Variants in TBC1D22A observed in about 807,000 individuals in gnomAD.
TBC1D22A encodes the protein TBC1 domain family member 22A.
Under a neutral mutation model 60.2 loss-of-function variants are expected in TBC1D22A, and 38 were observed. The ratio of observed to expected loss-of-function variants is 0.63; its 90% CI spans 0.49 to 0.83. The LOEUF (loss-of-function observed/expected upper bound fraction) is 0.83. Among genes scored for constraint, TBC1D22A ranks in the 40% least tolerant of loss-of-function variants. The pLI, the probability that TBC1D22A is intolerant of heterozygous loss-of-function variation, is 0.00. For missense variants in TBC1D22A, 628 were observed against 701.0 expected (o/e 0.90, Z 1.18); for synonymous variants, 302 against 281.7 (o/e 1.07, Z -0.72).
At chr22:46,888,367 A>G (rs534668942) in intron 5 of TBC1D22A, among the ~76,000 whole-genome samples, 15 of 152,364 alleles carry the variant, frequency 9.8e-5, no homozygotes, top group African/African-American at 3.6e-4. Flanking sequence ...TTGGTGGCTA[A>G]CACAGTGATG....
At position 46,928,115 on chromosome 22, in the gene TBC1D22A, G is replaced by C. The variant is rs576994018; in HGVS notation, c.1015+15927G>C. 2.6e-5 allele frequency among the ~76,000 whole-genome samples: 3 copies of C among 115,592 alleles called. No individual in the cohort carries two copies. In the South Asian group the frequency reaches 1.0e-3, roughly 39 times the overall value. 75.8% of individuals were successfully genotyped at this position (115,592 alleles called of 152,430 possible). A position where few individuals can be genotyped will look rare whatever the true frequency, so the allele number is the denominator to read the frequency against. On this transcript the variant is annotated intron_variant, in intron 8 of 12. Transcript: ENST00000337137. ...GGAATTAAAAGAACCCGGAATAGCC[G>C]TAACAGTCTTGAAAAAAAAAAAAAA...
chr22:47,135,689 C>T (rs1000133536), intron 12 of TBC1D22A, among the ~76,000 whole-genome samples: 3 of 152,212 alleles, frequency 2.0e-5, no homozygotes, highest in African/African-American at 7.2e-5. Context: ...GCTTCTAAAT[C>T]GCCCAGAGAT....
chr22:47,022,289 T>G (rs1054920481), intron 10 of TBC1D22A, among the ~76,000 whole-genome samples: 5 of 152,014 alleles, frequency 3.3e-5, no homozygotes, highest in African/African-American at 1.2e-4. Context: ...GAAACAATGG[T>G]TTTTAAGATA....
chr22:46,982,761 TAAA>T (rs2074565010), intron 9 of TBC1D22A, among the ~76,000 whole-genome samples: 1 of 152,134 alleles, frequency 6.6e-6, no homozygotes, highest in Non-Finnish European at 1.5e-5. Context: ...TTCAGGAGCC[TAAA>T]CTAGGTGGTG....
Position 47,155,038 on chromosome 22 carries a change from C to T in TBC1D22A, c.1426-18460C>T, listed in dbSNP as rs905531091. Reference sequence around the variant, plus strand: ...AACACCGCAAGGCAGGAAGTCTTCACGGGCTGAAAAAGACGAAGGGCTGCG... The same window carrying T: ...AACACCGCAAGGCAGGAAGTCTTCATGGGCTGAAAAAGACGAAGGGCTGCG... On this transcript the variant is annotated intron_variant, in intron 12 of 12. Coordinates refer to ENST00000337137, the MANE Select transcript of TBC1D22A (RefSeq NM_014346.5). 4.6e-5 allele frequency among the ~76,000 whole-genome samples: 7 copies of T among 152,170 alleles called. No individual in the cohort carries two copies. In the East Asian group the frequency reaches 7.7e-4, roughly 17 times the overall value.
At chr22:46,774,261 CT>C (rs1380966329) in intron 1 of TBC1D22A, 8 of 985,438 alleles carry the variant, frequency 8.1e-6, no homozygotes, top group Admixed American at 6.1e-5. Context: ...TAGGTCCCCC[CT>C]GGTGTTCTCT....
intron 4 of TBC1D22A, among the ~76,000 whole-genome samples, chr22:46,817,316 G>T (rs186265761): frequency 9.9e-5 from 15 of 151,564 alleles, no homozygotes; most frequent in Admixed American, 9.8e-4. Flanking sequence ...TGCAGAATGT[G>T]CAGGTTTGTT....
intron 9 of TBC1D22A, among the ~76,000 whole-genome samples, chr22:46,989,363 G>A (rs2074847157): frequency 6.6e-6 from 1 of 152,058 alleles, no homozygotes; most frequent in South Asian, 2.1e-4. Context: ...AAAAAAAAAG[G>A]CCTACTTTTG....
intron 10 of TBC1D22A, among the ~76,000 whole-genome samples, chr22:47,034,830 T>C (rs1462122882): frequency 6.6e-6 from 1 of 152,260 alleles, no homozygotes; most frequent in Non-Finnish European, 1.5e-5. Flanking sequence ...ATATTATGCA[T>C]TGGTTTTGGT....
At chr22:47,015,271 G>A (rs550463754) in intron 10 of TBC1D22A, among the ~76,000 whole-genome samples, 5 of 152,308 alleles carry the variant, frequency 3.3e-5, no homozygotes, top group South Asian at 2.1e-4. Flanking sequence ...GCCTGGGGGC[G>A]CCTAGAGGAG....
At chr22:46,778,896 T>C (rs2146778516) in intron 1 of TBC1D22A, among the ~76,000 whole-genome samples, 1 of 152,112 alleles carries the variant, frequency 6.6e-6, no homozygotes, top group South Asian at 2.1e-4. Context: ...GTACAAAAAT[T>C]AGCCGGGCGT....
chr22:46,865,399 A>C (rs1242276796), intron 4 of TBC1D22A, among the ~76,000 whole-genome samples: 1 of 152,216 alleles, frequency 6.6e-6, no homozygotes, highest in East Asian at 1.9e-4. Context: ...AAAGTCATCT[A>C]TGTCCCTGGT....
At chr22:46,857,450 T>C (rs1032062933) in intron 4 of TBC1D22A, among the ~76,000 whole-genome samples, 1 of 152,246 alleles carries the variant, frequency 6.6e-6, no homozygotes, top group African/African-American at 2.4e-5. Flanking sequence ...GGGTTATAAA[T>C]GTCCTTAAAA....
chr22:47,143,275 G>A (rs1012354883), intron 12 of TBC1D22A, among the ~76,000 whole-genome samples: 4 of 152,130 alleles, frequency 2.6e-5, no homozygotes, highest in Admixed American at 6.5e-5. Flanking sequence ...ACAAATCGAC[G>A]GAGACCTGAC....
rs1199414680 is a variant in TBC1D22A at position 47,143,175 on chromosome 22, C to A, written c.1426-30323C>A. 5.3e-5 allele frequency among the ~76,000 whole-genome samples: 8 copies of A among 152,162 alleles called. No homozygotes were observed. In the East Asian group the frequency reaches 1.6e-3, roughly 30 times the overall value. Reference sequence around the variant, plus strand: ...CTCTCTCTCCCAGAAGGGGAATCATCCAGGTGGATCGGTACCCTGGAGCCA... The same window carrying A: ...CTCTCTCTCCCAGAAGGGGAATCATACAGGTGGATCGGTACCCTGGAGCCA... On this transcript the variant is annotated intron_variant, in intron 12 of 12. Coordinates refer to ENST00000337137, the MANE Select transcript of TBC1D22A (RefSeq NM_014346.5).
intron 12 of TBC1D22A, among the ~76,000 whole-genome samples, chr22:47,113,769 A>G (rs2065931748): frequency 6.6e-6 from 1 of 152,154 alleles, no homozygotes; most frequent in African/African-American, 2.4e-5. Flanking sequence ...TGTTGTGAAT[A>G]CGTGCAGAAG....
intron 11 of TBC1D22A, among the ~76,000 whole-genome samples, chr22:47,086,726 A>G (rs533464228): frequency 7.5e-4 from 114 of 152,330 alleles, no homozygotes; most frequent in Middle Eastern, 6.8e-3. Flanking sequence ...AAAGGAGGGC[A>G]GACAGCCGGG....
intron 7 of TBC1D22A, among the ~76,000 whole-genome samples, chr22:46,904,614 G>A (rs377753404): frequency 2.6e-5 from 4 of 151,604 alleles, no homozygotes; most frequent in African/African-American, 9.7e-5. Flanking sequence ...GATTACAGGC[G>A]CCCGCCACCA....
At chr22:47,116,363 G>A (rs572397508) in intron 12 of TBC1D22A, 1 of 152,426 alleles carries the variant, frequency 6.6e-6, no homozygotes, top group East Asian at 1.9e-4. Context: ...TGAACAGAGT[G>A]TGGCACCTCC....
Sources: allele counts gnomAD v4.1 joint callset (sites outside exome capture counted in the v4.1 genomes callset), GRCh38; gene constraint gnomAD v4.1.1; transcripts MANE v1.5; gene names NCBI Gene and HGNC (gene_info 2026-07-23, HGNC 2026-07-21).